The following SMC6 variants were observed in gnomAD, a reference collection of about 807,000 sequenced individuals.
The protein encoded by SMC6 is structural maintenance of chromosomes protein 6.
Under a neutral mutation model 142.2 loss-of-function variants are expected in SMC6, and 79 were observed. That is an observed-to-expected ratio of 0.56 (90% CI 0.46 to 0.67). The LOEUF (loss-of-function observed/expected upper bound fraction) is 0.67. Ranked by LOEUF, SMC6 falls within the 30% of genes least tolerant of loss-of-function variation. SMC6 has a pLI of 0.00. For missense variants in SMC6, 1,072 were observed against 1,284.0 expected (o/e 0.83, Z 2.52); for synonymous variants, 411 against 412.4 (o/e 1.00, Z 0.04).
At chr2:17,739,821 A>AAC (rs148768584) in intron 4 of SMC6, among the ~76,000 whole-genome samples, 21,329 of 111,250 alleles carry the variant, frequency 0.19, 1,877 homozygotes, top group African/African-American at 0.27. Context: ...TTTCTCTTTA[A>AAC]ACACACACAC....
intron 23 of SMC6, among the ~76,000 whole-genome samples, chr2:17,688,172 C>T (rs1401722534): frequency 6.6e-6 from 1 of 151,998 alleles, no homozygotes; most frequent in Non-Finnish European, 1.5e-5. Context: ...ATTAGCATCC[C>T]TAAAATCCAA....
At chr2:17,676,197 T>A (rs1416758861) in intron 25 of SMC6, among the ~76,000 whole-genome samples, 1 of 152,176 alleles carries the variant, frequency 6.6e-6, no homozygotes, top group African/African-American at 2.4e-5. Context: ...AGCTTCCAAT[T>A]CTGTATTGAA....
At chr2:17,741,818 C>A in intron 3 of SMC6, 89 bp from the exon 4 acceptor site, 1 of 758,000 alleles carries the variant, frequency 1.3e-6, no homozygotes, top group Non-Finnish European at 2.1e-6. Context: ...AAGACTAGCA[C>A]CATCACCAAT....
At chr2:17,679,082 G>T in intron 24 of SMC6, 118 bp from the exon 25 acceptor site, 1 of 620,052 alleles carries the variant, frequency 1.6e-6, no homozygotes, top group South Asian at 2.8e-5. Context: ...TGTAAACATT[G>T]GTTACTCATT....
chr2:17,693,252 GTA>G, intron 23 of SMC6, among the ~76,000 whole-genome samples: 1 of 152,250 alleles, frequency 6.6e-6, no homozygotes, highest in African/African-American at 2.4e-5. Flanking sequence ...ACATGCACAT[GTA>G]TGTTTATTGC....
At position 17,727,590 on chromosome 2, in the gene SMC6, T is replaced by TA. The variant is rs751107991; in HGVS notation, c.544-1122dup. 3.9e-4 allele frequency among the ~76,000 whole-genome samples: 59 copies of TA among 152,108 alleles called. 1 individual carries two copies. The highest frequency in any genetic ancestry group is 4.6e-4 in the Admixed American group (7 of 15,292). ...TGTTCCTCTAGAGAACCCTGACTAATACACCTAACAAGTTAAGATATCAAA... is the reference window on the plus strand; with the variant it reads ...TGTTCCTCTAGAGAACCCTGACTAATAACACCTAACAAGTTAAGATATCAAA... On this transcript the variant is annotated intron_variant, in intron 7 of 27. Coordinates refer to ENST00000448223, the MANE Select transcript of SMC6 (RefSeq NM_001142286.2).
At position 17,731,149 on chromosome 2, in the gene SMC6, A is replaced by G; in HGVS notation, c.482-10T>C. The G allele has an allele frequency of 6.2e-7, 1 of 1,603,256 alleles. No individual in the cohort carries two copies. On this transcript the variant is annotated splice_polypyrimidine_tract_variant and intron_variant, in intron 6 of 27. Coordinates refer to ENST00000448223, the MANE Select transcript of SMC6 (RefSeq NM_001142286.2). The stretch of plus-strand genomic sequence containing the variant: ...GTGGAAACCACGGAGCCTAGTTATA[A>G]GAAACATATGAAATAACCAAACTGT...
intron 4 of SMC6, chr2:17,740,723 C>T (rs77508359): frequency 4.5e-6 from 2 of 447,296 alleles, no homozygotes; most frequent in South Asian, 1.6e-5. Flanking sequence ...GGCTTGAAGG[C>T]ACGCTAATCC....
chr2:17,683,923 C>T lies in SMC6; in HGVS notation c.2679-160G>A, dbSNP rs561194394. ...CATAAATTTCCAGGCAAATTACACTCCCAGAATGAAAGGGTGGTACGGAAT... is the reference window on the plus strand; with the variant it reads ...CATAAATTTCCAGGCAAATTACACTTCCAGAATGAAAGGGTGGTACGGAAT... On this transcript the variant is annotated intron_variant, in intron 23 of 27. Transcript: ENST00000448223. 2.0e-5 allele frequency among the ~76,000 whole-genome samples: 3 copies of T among 152,256 alleles called. No homozygotes were observed. The East Asian group carries it at 5.8e-4, about 29-fold the overall frequency.
intron 25 of SMC6, among the ~76,000 whole-genome samples, chr2:17,672,426 T>C (rs372466689): frequency 0.033 from 5,012 of 152,270 alleles, 309 homozygotes; most frequent in African/African-American, 0.11. Context: ...TACTTTTTTT[T>C]CTCCATTTTT....
chr2:17,745,949 G>A lies in SMC6; in HGVS notation c.-3C>T. 2 of 1,595,752 alleles carry A rather than the reference G, an allele frequency of 1.3e-6. No homozygotes were observed. The highest frequency in any genetic ancestry group is 2.2e-5 in the East Asian group (1 of 44,502). On this transcript the variant is annotated splice_region_variant and 5_prime_UTR_variant, in exon 3 of 28. Transcript: ENST00000448223. ...TTTTCTTCCTTTCTTTTGGCCATCAGGTCTGAACAAATATTTATAGTAACA... is the reference window on the plus strand; with the variant it reads ...TTTTCTTCCTTTCTTTTGGCCATCAAGTCTGAACAAATATTTATAGTAACA...
intron 2 of SMC6, among the ~76,000 whole-genome samples, chr2:17,750,559 C>T (rs1670973131): frequency 6.6e-6 from 1 of 152,184 alleles, no homozygotes; most frequent in African/African-American, 2.4e-5. Flanking sequence ...AGATCCAAAT[C>T]CAGGTTTGTC....
intron 24 of SMC6, among the ~76,000 whole-genome samples, chr2:17,682,950 G>C (rs1344349163): frequency 6.6e-6 from 1 of 151,674 alleles, no homozygotes; most frequent in Non-Finnish European, 1.5e-5. Context: ...GTTTTAAAAA[G>C]TGTATTACTG....
chr2:17,708,635 T>C lies in SMC6; in HGVS notation c.1845+4A>G, dbSNP rs1668669091. On this transcript the variant is annotated splice_donor_region_variant and intron_variant, in intron 17 of 27. Coordinates refer to ENST00000448223, the MANE Select transcript of SMC6 (RefSeq NM_001142286.2). Reference sequence around the variant, plus strand: ...CAAATACAGCAAAGATCTGGAGGTCTTACTTTGATTAGTAGCACTGTCTCT... The same window carrying C: ...CAAATACAGCAAAGATCTGGAGGTCCTACTTTGATTAGTAGCACTGTCTCT... 6 of 1,447,486 alleles carry C rather than the reference T, an allele frequency of 4.1e-6. No individual in the cohort carries two copies. Among genetic ancestry groups the C allele is most frequent in the Non-Finnish European group, 5.5e-6 (6 of 1,083,774 alleles). 89.7% of individuals were successfully genotyped at this position (1,447,486 alleles called of 1,614,324 possible). A position where few individuals can be genotyped will look rare whatever the true frequency, so the allele number is the denominator to read the frequency against.
At chr2:17,703,397 C>T in intron 18 of SMC6, 105 bp from the exon 19 acceptor site, 1 of 1,026,746 alleles carries the variant, frequency 9.7e-7, no homozygotes, top group Non-Finnish European at 1.4e-6. Flanking sequence ...AAGTTATGTG[C>T]AAAATCCTTT....
intron 23 of SMC6, among the ~76,000 whole-genome samples, chr2:17,694,132 G>A (rs1667880002): frequency 6.6e-6 from 1 of 151,950 alleles, no homozygotes; most frequent in African/African-American, 2.4e-5. Context: ...TCATTCATAT[G>A]TGGGAGCTAA....
intron 2 of SMC6, among the ~76,000 whole-genome samples, chr2:17,750,903 G>A (rs1670993727): frequency 6.8e-6 from 1 of 146,574 alleles, no homozygotes; most frequent in Non-Finnish European, 1.5e-5. Context: ...TACTCAGGAG[G>A]TTGAGGCAGG....
chr2:17,684,594 T>G (rs1667367547), intron 23 of SMC6, among the ~76,000 whole-genome samples: 1 of 152,142 alleles, frequency 6.6e-6, no homozygotes. Context: ...GAGGCCAAGA[T>G]GAGAGGATCG....
chr2:17,696,223 A>T (rs1358815487), intron 22 of SMC6, 66 bp downstream of exon 22: 1 of 1,541,846 alleles, frequency 6.5e-7, no homozygotes, highest in Non-Finnish European at 8.7e-7. Flanking sequence ...GACATTAGGG[A>T]AAACACACTT....
Sources: gnomAD v4.1 joint callset for allele counts (sites outside exome capture counted in the v4.1 genomes callset) on GRCh38, gnomAD v4.1.1 for gene constraint, MANE v1.5 for transcripts, NCBI Gene and HGNC (gene_info 2026-07-23, HGNC 2026-07-21) for gene names.